Variants in SYT2 observed in about 807,000 individuals in gnomAD.
The protein encoded by SYT2 is synaptotagmin 2.
Under a neutral mutation model 39.9 loss-of-function variants are expected in SYT2, and 15 were observed. The ratio of observed to expected loss-of-function variants is 0.38; its 90% CI spans 0.25 to 0.58. The LOEUF (loss-of-function observed/expected upper bound fraction) is 0.58, where lower values mean the gene tolerates loss of function less well. Among genes scored for constraint, SYT2 ranks in the 20% least tolerant of loss-of-function variants. The pLI is 0.70. For missense variants in SYT2, 389 were observed against 530.3 expected (o/e 0.73, Z 2.62); for synonymous variants, 181 against 204.5 (o/e 0.89, Z 0.98).
rs961177160 is a variant in SYT2 at position 202,679,837 on chromosome 1, C to T, written c.-18+30421G>A. ...TCCTCCCTTCTTTCTAGCTTCAACCCCTCCCAGGCCCTCACTCAGATTCCA... is the reference window on the plus strand; with the variant it reads ...TCCTCCCTTCTTTCTAGCTTCAACCTCTCCCAGGCCCTCACTCAGATTCCA... On this transcript the variant is annotated intron_variant, in intron 1 of 8. Transcript: ENST00000367268. 2.0e-5 allele frequency among the ~76,000 whole-genome samples: 3 copies of T among 152,198 alleles called. No individual in the cohort carries two copies. In the East Asian group the frequency reaches 5.8e-4, roughly 29 times the overall value.
At chr1:202,602,943 C>T (rs1033156358) in intron 4 of SYT2, 56 bp downstream of exon 4, 3 of 1,588,878 alleles carry the variant, frequency 1.9e-6, no homozygotes, top group African/African-American at 2.7e-5. Flanking sequence ...CCCCTTCCAC[C>T]CAACTCCCAG....
rs1237474696 is a variant in SYT2, at chr1:202,590,917, G to A, written c.*5840C>T. On this transcript the variant is annotated 3_prime_UTR_variant, in exon 9 of 9. Coordinates refer to ENST00000367268, the MANE Select transcript of SYT2 (RefSeq NM_177402.5). ...TCAGGGCAGAAGGGTCACTATCTTTGAAGAGGCCCCCCTAAAGTCCTGATC... is the reference window on the plus strand; with the variant it reads ...TCAGGGCAGAAGGGTCACTATCTTTAAAGAGGCCCCCCTAAAGTCCTGATC... 6.6e-6 allele frequency: 1 copy of A among 152,202 alleles called. No homozygotes were observed. The highest frequency in any genetic ancestry group is 1.9e-4 in the East Asian group (1 of 5,174). The allele number at this position is 152,202 out of a possible 1,614,324, so 9.4% of individuals were successfully genotyped here. A position where few individuals can be genotyped will look rare whatever the true frequency, so the allele number is the denominator to read the frequency against.
At chr1:202,656,675 G>C (rs4537626) in intron 1 of SYT2, among the ~76,000 whole-genome samples, 62,571 of 152,116 alleles carry the variant, frequency 0.41, 13,692 homozygotes, top group East Asian at 0.72. Context: ...GTGGAGGGCC[G>C]AACCTCGTGC....
chr1:202,646,501 C>G (rs1334378547), intron 1 of SYT2, among the ~76,000 whole-genome samples: 1 of 152,198 alleles, frequency 6.6e-6, no homozygotes, highest in Non-Finnish European at 1.5e-5. Flanking sequence ...GCTCACCGAG[C>G]CTACTGGCCC....
intron 1 of SYT2, among the ~76,000 whole-genome samples, chr1:202,682,372 G>A (rs1653548171): frequency 1.3e-5 from 2 of 152,178 alleles, no homozygotes; most frequent in South Asian, 4.1e-4. Context: ...AACACAAAAA[G>A]TTAAATAACA....
At chr1:202,696,530 C>T (rs1558465136) in intron 1 of SYT2, among the ~76,000 whole-genome samples, 1 of 152,228 alleles carries the variant, frequency 6.6e-6, no homozygotes, top group Non-Finnish European at 1.5e-5. Context: ...TAATGTCTTG[C>T]TTCCCTCTGC....
At position 202,644,770 on chromosome 1, in the gene SYT2, C is replaced by T. The variant is rs1572654312; in HGVS notation, c.-17-38981G>A. ...TCAGGGCTTTCCAGGGCTTCTCATCCCCACAGAGTCTGGGGAACCGGGAAA... is the reference window on the plus strand; with the variant it reads ...TCAGGGCTTTCCAGGGCTTCTCATCTCCACAGAGTCTGGGGAACCGGGAAA... On this transcript the variant is annotated intron_variant, in intron 1 of 8. Transcript: ENST00000367268. Among the ~76,000 whole-genome samples, 3 of 152,268 alleles carry T rather than the reference C, an allele frequency of 2.0e-5. No homozygotes were observed. In the East Asian group the frequency reaches 5.8e-4, roughly 29 times the overall value.
intron 1 of SYT2, 62 bp from the exon 2 acceptor site, chr1:202,605,851 C>T: frequency 7.6e-7 from 1 of 1,318,032 alleles, no homozygotes; most frequent in Non-Finnish European, 1.1e-6. Context: ...CCTGAGAAAG[C>T]CCTGCCCAAA....
At chr1:202,650,301 G>A (rs1692165768) in intron 1 of SYT2, among the ~76,000 whole-genome samples, 1 of 152,312 alleles carries the variant, frequency 6.6e-6, no homozygotes, top group South Asian at 2.1e-4. Context: ...CCCAGAAAGG[G>A]TCATGTGCTT....
intron 1 of SYT2, among the ~76,000 whole-genome samples, chr1:202,686,617 A>G (rs541444892): frequency 1.3e-5 from 2 of 152,192 alleles, no homozygotes; most frequent in South Asian, 4.1e-4. Flanking sequence ...GTCATCCTGA[A>G]ACCCATTCCC....
chr1:202,609,640 GTGA>G (rs1489818023), intron 1 of SYT2, among the ~76,000 whole-genome samples: 1 of 152,362 alleles, frequency 6.6e-6, no homozygotes, highest in East Asian at 1.9e-4. Context: ...CTGATGGCCA[GTGA>G]TGATGAGCAT....
intron 1 of SYT2, chr1:202,639,648 G>A (rs191957112): frequency 4.8e-5 from 47 of 985,424 alleles, no homozygotes; most frequent in African/African-American, 7.0e-5. Flanking sequence ...GCTGGCTTGC[G>A]TTCCCTCATC....
At chr1:202,607,621 G>A (rs1690750710) in intron 1 of SYT2, among the ~76,000 whole-genome samples, 1 of 152,124 alleles carries the variant, frequency 6.6e-6, no homozygotes, top group Non-Finnish European at 1.5e-5. Flanking sequence ...CTGGTGGCCT[G>A]TACATTGATG....
rs765221782 is a variant in SYT2, at chr1:202,597,034, C to G, written c.1054-71G>C. 4.6e-5 allele frequency: 62 copies of G among 1,354,272 alleles called. 1 individual carries two copies. In the South Asian group the frequency reaches 7.2e-4, roughly 16 times the overall value. 83.9% of individuals were successfully genotyped at this position (1,354,272 alleles called of 1,614,324 possible). A position where few individuals can be genotyped will look rare whatever the true frequency, so the allele number is the denominator to read the frequency against. On this transcript the variant is annotated intron_variant, in intron 8 of 8. Coordinates refer to ENST00000367268, the MANE Select transcript of SYT2 (RefSeq NM_177402.5). ...TCCCATGACCAAATTTATCCTCCAT[C>G]AACCTCTACTCCCAATGATTGGGAA...
At position 202,599,595 on chromosome 1, in the gene SYT2, C is replaced by CT. The variant is rs1192311355; in HGVS notation, c.920-245dup. Among the ~76,000 whole-genome samples the CT allele has an allele frequency of 2.6e-5, 4 of 152,220 alleles. No individual in the cohort carries two copies. In the East Asian group the frequency reaches 7.7e-4, roughly 29 times the overall value. ...CATTGGGTGGAGGGCATTTCTGAGT[C>CT]TAAGTAAGGCCTTGTGAGAAAGAGT... is the stretch of plus-strand genomic sequence containing the variant. On this transcript the variant is annotated intron_variant, in intron 7 of 8. Transcript: ENST00000367268. This position sits in a 1 kb window ranked among gnomAD's most constrained non-coding sequence, Gnocchi z 4.4.
intron 1 of SYT2, among the ~76,000 whole-genome samples, chr1:202,634,144 A>G (rs1248324616): frequency 2.6e-5 from 4 of 152,268 alleles, no homozygotes; most frequent in African/African-American, 9.6e-5. Flanking sequence ...CCTACCTTGT[A>G]GAGTATTGTG....
intron 1 of SYT2, among the ~76,000 whole-genome samples, chr1:202,647,487 C>T (rs1327435628): frequency 1.3e-5 from 2 of 152,126 alleles, no homozygotes; most frequent in Non-Finnish European, 2.9e-5. Context: ...TGAGCACCCC[C>T]AACAGCTGAA....
chr1:202,638,460 G>A (rs1363166649), intron 1 of SYT2, among the ~76,000 whole-genome samples: 2 of 152,232 alleles, frequency 1.3e-5, no homozygotes, highest in Non-Finnish European at 2.9e-5. Context: ...CTGCCTGAGA[G>A]ACCCGCTCAA....
intron 1 of SYT2, among the ~76,000 whole-genome samples, chr1:202,608,372 G>A (rs552454217): frequency 3.3e-4 from 50 of 151,868 alleles, no homozygotes; most frequent in Admixed American, 9.8e-4. Flanking sequence ...CACCTCCAGG[G>A]CTCAAGTGAT....
Sources: allele counts gnomAD v4.1 joint callset (sites outside exome capture counted in the v4.1 genomes callset), GRCh38; gene constraint gnomAD v4.1.1; non-coding constraint Gnocchi (gnomAD v3.1); transcripts MANE v1.5; gene names NCBI Gene and HGNC (gene_info 2026-07-23, HGNC 2026-07-21).